The following MGLL variants were observed in gnomAD, a reference collection of about 807,000 sequenced individuals.
MGLL encodes monoglyceride lipase.
Under a neutral mutation model 29.1 loss-of-function variants are expected in MGLL, and 7 were observed. That is an observed-to-expected ratio of 0.24 (90% CI 0.14 to 0.45). MGLL has a LOEUF of 0.45. Ranked by LOEUF, MGLL falls within the 20% of genes least tolerant of loss-of-function variation. The pLI, the probability that MGLL is intolerant of heterozygous loss-of-function variation, is 0.99. For missense variants in MGLL, 356 were observed against 413.6 expected (o/e 0.86, Z 1.21); for synonymous variants, 148 against 168.3 (o/e 0.88, Z 0.93).
Position 127,690,324 on chromosome 3 carries a change from C to T in MGLL, c.*1874G>A, listed in dbSNP as rs898422800. ...AGACAAGCTGGAGCTACAGAAGGTGCTCTGTGGGGACTTGGGCCGGGTCAG... is the reference window on the plus strand; with the variant it reads ...AGACAAGCTGGAGCTACAGAAGGTGTTCTGTGGGGACTTGGGCCGGGTCAG... On this transcript the variant is annotated 3_prime_UTR_variant, in exon 8 of 8. Transcript: ENST00000265052. The T allele has an allele frequency of 6.6e-6, 1 of 152,262 alleles. No homozygotes were observed. The highest frequency in any genetic ancestry group is 2.4e-5 in the African/African-American group (1 of 41,462). The allele number at this position is 152,262 out of a possible 1,614,324, so 9.4% of individuals were successfully genotyped here.
intron 3 of MGLL, among the ~76,000 whole-genome samples, chr3:127,748,551 T>C (rs1398042881): frequency 6.6e-6 from 1 of 151,542 alleles, no homozygotes; most frequent in Non-Finnish European, 1.5e-5. Context: ...TTTGCCAAGG[T>C]AATGAAGTTA....
At chr3:127,737,559 C>G (rs183097125) in intron 3 of MGLL, among the ~76,000 whole-genome samples, 1 of 149,734 alleles carries the variant, frequency 6.7e-6, no homozygotes, top group Non-Finnish European at 1.5e-5. Flanking sequence ...ACTGGAACAT[C>G]TGCCCGGGTC....
intron 3 of MGLL, among the ~76,000 whole-genome samples, chr3:127,730,828 G>A (rs1339940463): frequency 6.6e-6 from 1 of 152,200 alleles, no homozygotes; most frequent in Non-Finnish European, 1.5e-5. Context: ...GGCTGGATGG[G>A]GCGCAAAACA....
intron 2 of MGLL, among the ~76,000 whole-genome samples, chr3:127,793,399 A>G (rs1218051022): frequency 2.0e-5 from 3 of 152,246 alleles, no homozygotes; most frequent in Non-Finnish European, 4.4e-5. Context: ...AAGAATGATA[A>G]CAGTAACATA....
At chr3:127,780,598 G>A (rs1051386057) in intron 3 of MGLL, among the ~76,000 whole-genome samples, 2 of 152,200 alleles carry the variant, frequency 1.3e-5, no homozygotes, top group African/African-American at 4.8e-5. Context: ...TTATGAGGAC[G>A]CTTGTGTATA....
intron 6 of MGLL, among the ~76,000 whole-genome samples, chr3:127,696,022 A>T (rs1192837976): frequency 6.6e-6 from 1 of 152,162 alleles, no homozygotes; most frequent in Non-Finnish European, 1.5e-5. Flanking sequence ...AGGCACTGAC[A>T]ATGGGCTTTG....
At chr3:127,699,302 C>T (rs1280778664) in intron 6 of MGLL, among the ~76,000 whole-genome samples, 5 of 152,160 alleles carry the variant, frequency 3.3e-5, no homozygotes, top group Admixed American at 2.6e-4. Flanking sequence ...CTTACACTTA[C>T]GTTTGAGCAA....
Position 127,822,382 on chromosome 3 carries a change from G to T in MGLL, c.-64C>A. On this transcript the variant is annotated 5_prime_UTR_variant, in exon 1 of 8. Coordinates refer to ENST00000265052, the MANE Select transcript of MGLL (RefSeq NM_007283.7). ...GGAGAATCAGAACCAGGCAAATCGG[G>T]CTGTTCCCTCATCTGGGCGGCCCCA... 3 of 1,588,174 alleles carry T rather than the reference G, an allele frequency of 1.9e-6. No individual in the cohort carries two copies. The highest frequency in any genetic ancestry group is 4.5e-5 in the East Asian group (2 of 44,710).
chr3:127,735,686 A>G (rs2076229376), intron 3 of MGLL: 3 of 1,588,914 alleles, frequency 1.9e-6, no homozygotes, highest in Non-Finnish European at 2.6e-6. Flanking sequence ...GGGGGAATAA[A>G]TGAAACAGCT....
intron 3 of MGLL, among the ~76,000 whole-genome samples, chr3:127,737,366 C>T (rs2076259262): frequency 6.6e-6 from 1 of 151,646 alleles, no homozygotes; most frequent in South Asian, 2.1e-4. Flanking sequence ...AGCCTCGTCA[C>T]CTGCAATAAG....
chr3:127,754,509 A>C (rs1445264505), intron 3 of MGLL, among the ~76,000 whole-genome samples: 1 of 152,190 alleles, frequency 6.6e-6, no homozygotes, highest in African/African-American at 2.4e-5. Flanking sequence ...GAGTACTTGC[A>C]ACGGCCCCGC....
rs2075230647 is a variant in MGLL, at chr3:127,690,949, GT to G, written c.*1248del. 6.5e-6 allele frequency: 1 copy of G among 152,950 alleles called. No individual in the cohort carries two copies. Among genetic ancestry groups the G allele is most frequent in the Admixed American group, 6.5e-5 (1 of 15,286 alleles). The allele number at this position is 152,950 out of a possible 1,614,324, so 9.5% of individuals were successfully genotyped here. A position where few individuals can be genotyped will look rare whatever the true frequency, so the allele number is the denominator to read the frequency against. On this transcript the variant is annotated 3_prime_UTR_variant, in exon 8 of 8. Transcript: ENST00000265052. Reference sequence around the variant, plus strand: ...GCTGTGGCCTGGGGCAGGGCTGGGGGTGCCTCCAGTCCCTGCTCTGGGTCAC... The same window carrying G: ...GCTGTGGCCTGGGGCAGGGCTGGGGGGCCTCCAGTCCCTGCTCTGGGTCAC...
intron 7 of MGLL, among the ~76,000 whole-genome samples, 189 bp downstream of exon 7, chr3:127,694,786 C>T (rs1322110310): frequency 8.5e-5 from 13 of 152,152 alleles, no homozygotes; most frequent in Admixed American, 6.5e-5. Flanking sequence ...GCAAATGACT[C>T]GTGTTCTCTT....
chr3:127,782,852 G>A (rs1465053132), intron 2 of MGLL, among the ~76,000 whole-genome samples: 3 of 152,196 alleles, frequency 2.0e-5, no homozygotes, highest in South Asian at 4.1e-4. Context: ...CCAGTCATCA[G>A]ATGATTTATC....
intron 5 of MGLL, chr3:127,711,112 A>C (rs530721028): frequency 1.8e-5 from 4 of 219,640 alleles, no homozygotes; most frequent in Non-Finnish European, 3.8e-5. Flanking sequence ...GGAGCCACAC[A>C]GAGAAAGTGT....
chr3:127,808,406 C>A (rs1174904943), intron 2 of MGLL, among the ~76,000 whole-genome samples: 1 of 152,196 alleles, frequency 6.6e-6, no homozygotes, highest in African/African-American at 2.4e-5. Flanking sequence ...GAGTCAACTT[C>A]AGAGGAGAAA....
chr3:127,728,532 G>A (rs1271843273), intron 3 of MGLL, among the ~76,000 whole-genome samples: 1 of 152,170 alleles, frequency 6.6e-6, no homozygotes, highest in Non-Finnish European at 1.5e-5. Flanking sequence ...AGGTCACTCT[G>A]TGTCACAGAT....
chr3:127,695,889 C>A (rs1042963496), intron 6 of MGLL, among the ~76,000 whole-genome samples: 1 of 152,228 alleles, frequency 6.6e-6, no homozygotes, highest in East Asian at 1.9e-4. Flanking sequence ...TCTGTCTCTG[C>A]TGATTTGGTG....
At chr3:127,787,687 G>T (rs2107717384) in intron 2 of MGLL, among the ~76,000 whole-genome samples, 1 of 152,334 alleles carries the variant, frequency 6.6e-6, no homozygotes, top group Non-Finnish European at 1.5e-5. Context: ...TCGCTGGAGG[G>T]GTGGGAGCAT....
Sources: gnomAD v4.1 joint callset for allele counts (sites outside exome capture counted in the v4.1 genomes callset) on GRCh38, gnomAD v4.1.1 for gene constraint, MANE v1.5 for transcripts, NCBI Gene and HGNC (gene_info 2026-07-23, HGNC 2026-07-21) for gene names.